The following LRPPRC variants were observed in gnomAD, a reference collection of about 807,000 sequenced individuals.
LRPPRC encodes leucine rich pentatricopeptide repeat containing.
LRPPRC carries 120 observed loss-of-function variants against 180.3 expected under a neutral mutation model. The observed-to-expected ratio is 0.67, with a 90% CI of 0.57 to 0.77. The LOEUF (loss-of-function observed/expected upper bound fraction) is 0.77, where lower values mean the gene tolerates loss of function less well. Among genes scored for constraint, LRPPRC ranks in the 30% least tolerant of loss-of-function variants. The pLI is 0.00. For synonymous variants in LRPPRC, 723 were observed against 600.0 expected, an observed-to-expected ratio of 1.21 and a Z score of -3.00; for missense variants, 2,012 against 1,657.2, an observed-to-expected ratio of 1.21 and a Z score of -3.72.
chr2:43,892,924 A>G (rs1364640743), intron 36 of LRPPRC: 1 of 152,244 alleles, frequency 6.6e-6, no homozygotes, highest in East Asian at 1.9e-4. Context: ...TCTAGATGCC[A>G]TTAAGAACAT....
chr2:43,914,229 A>T (rs913704793), intron 29 of LRPPRC, among the ~76,000 whole-genome samples: 14 of 152,090 alleles, frequency 9.2e-5, no homozygotes, highest in Non-Finnish European at 1.5e-5. Context: ...CTGTGTAATT[A>T]GTCCCTGTTA....
chr2:43,963,536 G>C, intron 12 of LRPPRC, 52 bp downstream of exon 12: 2 of 1,078,692 alleles, frequency 1.9e-6, no homozygotes, highest in Non-Finnish European at 2.9e-6. Context: ...TAAACATTAA[G>C]GAGGAAAGAT....
chr2:43,954,139 T>A (rs981533545), intron 14 of LRPPRC, among the ~76,000 whole-genome samples: 7 of 152,166 alleles, frequency 4.6e-5, no homozygotes, highest in African/African-American at 1.2e-4. Flanking sequence ...CCAGTAACTA[T>A]CCAAGATCTT....
At position 43,910,959 on chromosome 2, in the gene LRPPRC, C is replaced by T. The variant is rs1181713446; in HGVS notation, c.3275+1473G>A. 2.6e-5 allele frequency among the ~76,000 whole-genome samples: 4 copies of T among 152,156 alleles called. No homozygotes were observed. The East Asian group carries it at 5.8e-4, about 22-fold the overall frequency. On this transcript the variant is annotated intron_variant, in intron 30 of 37. Coordinates refer to ENST00000260665, the MANE Select transcript of LRPPRC (RefSeq NM_133259.4). ...TCACTTAATCATACTTAATTCTCAA[C>T]ACAAAATGCTTCTCTTTTTTCTGGC...
In LRPPRC at chr2:43,939,914, T is replaced by A. The variant is rs549454050; in HGVS notation, c.2504+3773A>T. Among the ~76,000 whole-genome samples, 6 of 152,324 alleles carry A rather than the reference T, an allele frequency of 3.9e-5. No individual in the cohort carries two copies. The East Asian group carries it at 1.2e-3, about 29-fold the overall frequency. Reference sequence around the variant, plus strand: ...CAACTGAATGATTAGACAAGATAGCTCATTTCCCTGCTCTTTTGTTCAGAA... The same window carrying A: ...CAACTGAATGATTAGACAAGATAGCACATTTCCCTGCTCTTTTGTTCAGAA... On this transcript the variant is annotated intron_variant, in intron 23 of 37. Coordinates refer to ENST00000260665, the MANE Select transcript of LRPPRC (RefSeq NM_133259.4).
intron 15 of LRPPRC, 31 bp from the exon 16 acceptor site, chr2:43,949,690 C>G (rs1019128436): frequency 1.4e-6 from 2 of 1,430,802 alleles, no homozygotes; most frequent in Admixed American, 3.4e-5. Context: ...TGCATTGCAG[C>G]AAGAGAAGCA....
intron 36 of LRPPRC, among the ~76,000 whole-genome samples, chr2:43,894,089 T>C (rs907537608): frequency 3.3e-5 from 5 of 152,098 alleles, no homozygotes; most frequent in African/African-American, 1.2e-4. Context: ...GGCTACTTTT[T>C]AATCAAGGGT....
Position 43,901,412 on chromosome 2 carries a change from T to C in LRPPRC, c.3477A>G (p.Glu1159=), listed in dbSNP as rs1169508762. 1 of 1,613,746 alleles carries C rather than the reference T, an allele frequency of 6.2e-7. No individual in the cohort carries two copies. Among genetic ancestry groups the C allele is most frequent in the Non-Finnish European group, 8.5e-7 (1 of 1,179,592 alleles). Residue 1159 remains glutamate, a synonymous_variant, in exon 32 of 38, where the codon GAA becomes GAG. Coordinates refer to ENST00000260665, the MANE Select transcript of LRPPRC (RefSeq NM_133259.4). The part of the protein sequence containing the change: ...LAMKGDVENI[E]VVQKMLNGLE... ...GTCCATTTAACATCTTCTGAACTAC[T>C]TCTATGTTTTCAACATCACCCTTCA...
At chr2:43,945,984 A>T (rs1369310549) in intron 21 of LRPPRC, 129 bp downstream of exon 21, 1 of 1,000,592 alleles carries the variant, frequency 1.0e-6, no homozygotes, top group Non-Finnish European at 1.5e-6. Flanking sequence ...GAAATTTCAA[A>T]AACACTGACA....
At chr2:43,936,672 T>C (rs569254124) in intron 23 of LRPPRC, among the ~76,000 whole-genome samples, 2 of 152,336 alleles carry the variant, frequency 1.3e-5, no homozygotes, top group South Asian at 4.1e-4. Flanking sequence ...AGTGACACAG[T>C]GAAAACGAGC....
chr2:43,920,170 C>G (rs1572920415), intron 27 of LRPPRC, among the ~76,000 whole-genome samples: 1 of 151,066 alleles, frequency 6.6e-6, no homozygotes. Context: ...GAGTCTTGCT[C>G]TGTTGCCCAG....
chr2:43,983,994 T>C (rs1030320621), intron 1 of LRPPRC, among the ~76,000 whole-genome samples: 3 of 152,138 alleles, frequency 2.0e-5, no homozygotes, highest in Admixed American at 6.5e-5. Context: ...GTAAGACCAA[T>C]GATCAGCACA....
At chr2:43,941,384 A>C (rs1672474945) in intron 23 of LRPPRC, among the ~76,000 whole-genome samples, 2 of 152,306 alleles carry the variant, frequency 1.3e-5, no homozygotes, top group South Asian at 4.1e-4. Context: ...CTTTGAATGA[A>C]AGGGTGAAGA....
chr2:43,939,617 T>G (rs999807799), intron 23 of LRPPRC, among the ~76,000 whole-genome samples: 2 of 152,208 alleles, frequency 1.3e-5, no homozygotes, highest in African/African-American at 4.8e-5. Context: ...TTCACAAAAA[T>G]TATTCTGTTA....
intron 32 of LRPPRC, 62 bp downstream of exon 32, chr2:43,901,258 G>C (rs1670872177): frequency 1.5e-6 from 2 of 1,340,804 alleles, no homozygotes. Flanking sequence ...TTAAAAGGTG[G>C]TATCTGAGGC....
intron 23 of LRPPRC, among the ~76,000 whole-genome samples, chr2:43,940,109 GA>G (rs1254757012): frequency 1.3e-5 from 2 of 152,136 alleles, no homozygotes; most frequent in Non-Finnish European, 2.9e-5. Flanking sequence ...GATCCTTGAC[GA>G]AAAATCATCT....
intron 23 of LRPPRC, among the ~76,000 whole-genome samples, chr2:43,942,922 T>G (rs905367596): frequency 1.3e-5 from 2 of 152,146 alleles, no homozygotes; most frequent in Non-Finnish European, 2.9e-5. Context: ...TATTTTTGTT[T>G]GCCTAGGGTT....
intron 25 of LRPPRC, among the ~76,000 whole-genome samples, chr2:43,932,262 C>A (rs1173602155): frequency 6.6e-6 from 1 of 151,696 alleles, no homozygotes; most frequent in Non-Finnish European, 1.5e-5. Flanking sequence ...TTGAACCTTG[C>A]CTATATCTTT....
At chr2:43,934,476 C>G (rs1672201702) in intron 24 of LRPPRC, among the ~76,000 whole-genome samples, 180 bp from the exon 25 acceptor site, 1 of 151,604 alleles carries the variant, frequency 6.6e-6, no homozygotes, top group Non-Finnish European at 1.5e-5. Context: ...ACAAAGAGAA[C>G]TAGTGAGGAT....
Sources: gnomAD v4.1 joint callset for allele counts (sites outside exome capture counted in the v4.1 genomes callset) on GRCh38, gnomAD v4.1.1 for gene constraint, MANE v1.5 for transcripts, NCBI Gene and HGNC (gene_info 2026-07-23, HGNC 2026-07-21) for gene names.